The following RGS1 variants were observed in gnomAD, a reference collection of about 807,000 sequenced individuals.
The protein encoded by RGS1 is B-cell activation protein BL34.
In RGS1, 11 loss-of-function variants were observed where a neutral mutation model predicts 22.2. That is an observed-to-expected ratio of 0.50 (90% CI 0.31 to 0.82). The LOEUF is 0.82. RGS1 is among the 40% of genes least tolerant of loss of function. The pLI, the probability that RGS1 is intolerant of heterozygous loss-of-function variation, is 0.04. For synonymous variants in RGS1, 81 were observed against 79.9 expected, an observed-to-expected ratio of 1.01 and a Z score of -0.07; for missense variants, 255 against 245.8, an observed-to-expected ratio of 1.04 and a Z score of -0.25.
At chr1:192,577,604 A>G (rs1662084439) in intron 3 of RGS1, 1 of 153,010 alleles carries the variant, frequency 6.5e-6, no homozygotes, top group South Asian at 2.0e-4. Flanking sequence ...CACCCTAAGG[A>G]GCTTTACTTG....
Position 192,578,398 on chromosome 1 carries a change from C to T in RGS1, c.444+13C>T. 1 of 1,610,922 alleles carries T rather than the reference C, an allele frequency of 6.2e-7. No homozygotes were observed. The highest frequency in any genetic ancestry group is 8.5e-7 in the Non-Finnish European group (1 of 1,179,196). ...TGCTGCTAAACAAGTGAGTATTAAG[C>T]TTATCATCATCAGTTTCTCCATAAA... On this transcript the variant is annotated intron_variant, in intron 4 of 4. Coordinates refer to ENST00000367459, the MANE Select transcript of RGS1 (RefSeq NM_002922.4).
At chr1:192,579,080 T>G in intron 4 of RGS1, 57 bp from the exon 5 acceptor site, 1 of 1,518,432 alleles carries the variant, frequency 6.6e-7, no homozygotes. Context: ...AACAGTAACA[T>G]CATAAAATTT....
intron 3 of RGS1, chr1:192,577,075 G>A: frequency 5.2e-6 from 2 of 381,336 alleles, no homozygotes; most frequent in East Asian, 3.8e-5. Context: ...GATCATTATG[G>A]AGATAAAATT....
At chr1:192,577,532 G>A (rs568169550) in intron 3 of RGS1, 2 of 152,202 alleles carry the variant, frequency 1.3e-5, no homozygotes, top group African/African-American at 4.8e-5. Flanking sequence ...TTTTTCAGAG[G>A]TGTAGATGAG....
intron 1 of RGS1, 91 bp from the exon 2 acceptor site, chr1:192,576,194 C>T: frequency 9.0e-7 from 1 of 1,114,192 alleles, no homozygotes; most frequent in Admixed American, 2.0e-5. Flanking sequence ...TTTAGTATTG[C>T]CTTATTCCTT....
Position 192,577,968 on chromosome 1 carries a change from G to A in RGS1, c.281-254G>A, listed in dbSNP as rs1362837602. ...CCGCGGATAGAAGCAAAACAGTTTG[G>A]TAGCCACCATCAAGTAGCAATGTGA... is the stretch of plus-strand genomic sequence containing the variant. On this transcript the variant is annotated intron_variant, in intron 3 of 4. Transcript: ENST00000367459. The A allele has an allele frequency of 2.2e-5, 10 of 453,172 alleles. No individual in the cohort carries two copies. The East Asian group carries it at 3.7e-4, about 17-fold the overall frequency. 28.1% of individuals were successfully genotyped at this position (453,172 alleles called of 1,614,324 possible).
intron 3 of RGS1, chr1:192,578,002 G>C: frequency 1.8e-6 from 1 of 541,898 alleles, no homozygotes. Flanking sequence ...GACTATGAAT[G>C]AGTTTGTCTG....
In RGS1 at chr1:192,579,548, T is replaced by C. The variant is rs1484074518; in HGVS notation, c.*226T>C. On this transcript the variant is annotated 3_prime_UTR_variant, in exon 5 of 5. Coordinates refer to ENST00000367459, the MANE Select transcript of RGS1 (RefSeq NM_002922.4). Reference sequence around the variant, plus strand: ...CAGAAGGAGGAAGATACTGTGGTACTGTCATAAAAAACAGTGGAGCTCTGT... The same window carrying C: ...CAGAAGGAGGAAGATACTGTGGTACCGTCATAAAAAACAGTGGAGCTCTGT... 8.8e-6 allele frequency: 4 copies of C among 455,538 alleles called. No homozygotes were observed. The highest frequency in any genetic ancestry group is 6.8e-5 in the South Asian group (2 of 29,546). The allele number at this position is 455,538 out of a possible 1,614,324, so 28.2% of individuals were successfully genotyped here.
rs1235533498 is a variant in RGS1, at chr1:192,578,368, T to C, written c.427T>C (p.Ser143Pro). The C allele has an allele frequency of 5.0e-6, 8 of 1,612,824 alleles. No homozygotes were observed. Among genetic ancestry groups the C allele is most frequent in the Non-Finnish European group, 6.8e-6 (8 of 1,179,488 alleles). ...AEEIYKAFVH[S>P]DAAKQINIDF... ...AGAGATATATAAAGCATTTGTGCAT[T>C]CAGATGCTGCTAAACAAGTGAGTAT... Residue 143 changes from serine (S) to proline (P), a missense_variant, in exon 4 of 5, where the codon TCA (serine) becomes CCA (proline). Ser to Pro is a moderately conservative substitution (Grantham distance 74). Transcript: ENST00000367459.
intron 4 of RGS1, 109 bp downstream of exon 4, chr1:192,578,494 C>G (rs1212992255): frequency 8.4e-7 from 1 of 1,195,656 alleles, no homozygotes; most frequent in East Asian, 2.5e-5. Flanking sequence ...TATAATTTTA[C>G]TTCTACATAC....
intron 1 of RGS1, 176 bp from the exon 2 acceptor site, chr1:192,576,109 T>C (rs746874823): frequency 3.7e-5 from 34 of 921,910 alleles, no homozygotes; most frequent in Non-Finnish European, 5.2e-5. Flanking sequence ...TGATATGGCA[T>C]TAAATTGGGT....
At chr1:192,576,671 C>A in intron 2 of RGS1, 103 bp from the exon 3 acceptor site, 1 of 964,688 alleles carries the variant, frequency 1.0e-6, no homozygotes, top group Non-Finnish European at 1.5e-6. Context: ...ATTAGAACTA[C>A]AGTTTCAGTT....
rs115518462 is a variant in RGS1, at chr1:192,576,480, G to C, written c.218+115G>C. On this transcript the variant is annotated intron_variant, in intron 2 of 4. Transcript: ENST00000367459. ...GCACAGTAGACTTCATTTCTTTTAA[G>C]TAACATGCCAAATAAAATTAGACTA... The C allele has an allele frequency of 2.1e-3, 1,536 of 737,946 alleles. 13 individuals are homozygous for C. The African/African-American group carries it at 0.023, about 11-fold the overall frequency. The allele number at this position is 737,946 out of a possible 1,614,324, so 45.7% of individuals were successfully genotyped here. A position where few individuals can be genotyped will look rare whatever the true frequency, so the allele number is the denominator to read the frequency against.
Position 192,579,473 on chromosome 1 carries a change from TC to T in RGS1, c.*153del. ...TCAGAATGGATTAACATGAAAGTTA[TC>T]CAGGCGCAGAGTTGAAGAAGCATAA... On this transcript the variant is annotated 3_prime_UTR_variant, in exon 5 of 5. Transcript: ENST00000367459. 1 of 659,596 alleles carries T rather than the reference TC, an allele frequency of 1.5e-6. No individual in the cohort carries two copies. The highest frequency in any genetic ancestry group is 2.5e-6 in the Non-Finnish European group (1 of 393,862). The allele number at this position is 659,596 out of a possible 1,614,324, so 40.9% of individuals were successfully genotyped here.
intron 1 of RGS1, 90 bp downstream of exon 1, chr1:192,576,019 A>G: frequency 6.7e-7 from 1 of 1,487,620 alleles, no homozygotes; most frequent in Non-Finnish European, 9.2e-7. Flanking sequence ...GAGTGTGAGC[A>G]TTTAGTTTAG....
chr1:192,578,152 T>C (rs1201718383), intron 3 of RGS1, 70 bp from the exon 4 acceptor site: 1 of 1,524,926 alleles, frequency 6.6e-7, no homozygotes, highest in Non-Finnish European at 8.8e-7. Context: ...ACAAATTTCT[T>C]CTTCAAATTA....
intron 3 of RGS1, chr1:192,577,994 C>T (rs1457662292): frequency 1.9e-6 from 1 of 525,040 alleles, no homozygotes; most frequent in East Asian, 3.2e-5. Flanking sequence ...AGCAATGTGA[C>T]TATGAATGAG....
At chr1:192,576,175 T>A in intron 1 of RGS1, 110 bp from the exon 2 acceptor site, 1 of 990,492 alleles carries the variant, frequency 1.0e-6, no homozygotes. Context: ...AAATGTTGTA[T>A]CAACCATTTT....
At chr1:192,578,911 C>T (rs2760533) in intron 4 of RGS1, 37,341 of 493,584 alleles carry the variant, frequency 0.076, 3,377 homozygotes, top group African/African-American at 0.33. Context: ...TCTTTTGCCT[C>T]TCCTAACTAT....
Sources: allele counts gnomAD v4.1 joint callset, GRCh38; gene constraint gnomAD v4.1.1; transcripts MANE v1.5; gene names NCBI Gene and HGNC (gene_info 2026-07-23, HGNC 2026-07-21).